The following CLYBL variants were observed in gnomAD, a reference collection of about 807,000 sequenced individuals.
CLYBL encodes citramalyl-CoA lyase, also known as citramalyl-CoA lyase, mitochondrial.
Under a neutral mutation model 38.9 loss-of-function variants are expected in CLYBL, and 31 were observed. That is an observed-to-expected ratio of 0.80 (90% CI 0.60 to 1.08). The LOEUF is 1.08. Among genes scored for constraint, CLYBL ranks in the 50% least tolerant of loss-of-function variants. The pLI, the probability that CLYBL is intolerant of heterozygous loss-of-function variation, is 0.00. For missense variants in CLYBL, 434 were observed against 411.6 expected (o/e 1.05, Z -0.47); for synonymous variants, 171 against 158.6 (o/e 1.08, Z -0.59).
chr13:99,724,962 G>A (rs958918609), intron 1 of CLYBL, among the ~76,000 whole-genome samples: 3 of 152,222 alleles, frequency 2.0e-5, no homozygotes, highest in Non-Finnish European at 4.4e-5. Flanking sequence ...GAGAGACTTT[G>A]ATTAATTCCT....
intron 2 of CLYBL, among the ~76,000 whole-genome samples, chr13:99,843,934 C>T (rs2051140879): frequency 6.6e-6 from 1 of 152,172 alleles, no homozygotes; most frequent in Non-Finnish European, 1.5e-5. Flanking sequence ...AGGGAATTGG[C>T]CTATCCATGC....
intron 1 of CLYBL, among the ~76,000 whole-genome samples, chr13:99,706,984 T>C (rs2048156564): frequency 1.3e-5 from 2 of 152,040 alleles, no homozygotes; most frequent in Non-Finnish European, 2.9e-5. Context: ...TTGTATTTTT[T>C]TGTAGAGACG....
intron 1 of CLYBL, among the ~76,000 whole-genome samples, chr13:99,684,925 C>T (rs1012943504): frequency 6.6e-6 from 1 of 152,182 alleles, no homozygotes; most frequent in Non-Finnish European, 1.5e-5. Flanking sequence ...CATTAGAGTA[C>T]ATTATATATG....
At chr13:99,612,000 C>G (rs1028191224) in intron 1 of CLYBL, among the ~76,000 whole-genome samples, 1 of 152,142 alleles carries the variant, frequency 6.6e-6, no homozygotes, top group Admixed American at 6.6e-5. Flanking sequence ...GTTTATAGGC[C>G]CATCACTACA....
At chr13:99,833,683 CTTTTTT>C (rs35378080) in intron 2 of CLYBL, among the ~76,000 whole-genome samples, 679 of 56,106 alleles carry the variant, frequency 0.012, 8 homozygotes, top group Non-Finnish European at 0.018. Context: ...TACCGTGTTG[CTTTTTT>C]TTTTTTTTTT....
At chr13:99,646,679 ATTT>A (rs1176000168) in intron 1 of CLYBL, among the ~76,000 whole-genome samples, 3 of 128,838 alleles carry the variant, frequency 2.3e-5, no homozygotes, top group African/African-American at 8.9e-5. Flanking sequence ...CACCTGGCTA[ATTT>A]TTTTTTTTTT....
At chr13:99,746,064 A>G (rs1322106012) in intron 1 of CLYBL, among the ~76,000 whole-genome samples, 2 of 151,478 alleles carry the variant, frequency 1.3e-5, no homozygotes, top group Non-Finnish European at 2.9e-5. Context: ...GGGAAGAACT[A>G]TTTTCTCAAA....
At chr13:99,685,229 G>A (rs1861679235) in intron 1 of CLYBL, among the ~76,000 whole-genome samples, 6 of 152,048 alleles carry the variant, frequency 3.9e-5, no homozygotes, top group South Asian at 2.1e-4. Flanking sequence ...CAAGCTTTCT[G>A]TACTTGTTTC....
chr13:99,657,828 C>G (rs138206410), intron 1 of CLYBL, among the ~76,000 whole-genome samples: 8 of 152,330 alleles, frequency 5.3e-5, no homozygotes, highest in African/African-American at 1.9e-4. Context: ...GTGAATTAAG[C>G]AGCTCTGCTG....
chr13:99,621,744 A>G (rs1566590882), intron 1 of CLYBL, among the ~76,000 whole-genome samples: 1 of 94,002 alleles, frequency 1.1e-5, no homozygotes, highest in Non-Finnish European at 2.2e-5. Flanking sequence ...AAAACATGAG[A>G]TTTTTTGGCG....
At chr13:99,634,893 G>A (rs1447757353) in intron 1 of CLYBL, among the ~76,000 whole-genome samples, 3 of 152,162 alleles carry the variant, frequency 2.0e-5, no homozygotes, top group African/African-American at 7.2e-5. Flanking sequence ...CTGGCCTTGG[G>A]CACCTTCTTT....
intron 2 of CLYBL, among the ~76,000 whole-genome samples, chr13:99,818,887 T>C (rs996825387): frequency 6.6e-6 from 1 of 152,216 alleles, no homozygotes; most frequent in East Asian, 1.9e-4. Flanking sequence ...AATGACTGCT[T>C]AATATTCCAT....
At chr13:99,660,667 A>C (rs1341644462) in intron 1 of CLYBL, among the ~76,000 whole-genome samples, 1 of 152,174 alleles carries the variant, frequency 6.6e-6, no homozygotes, top group Non-Finnish European at 1.5e-5. Flanking sequence ...ACATATTTAA[A>C]TATTCCCTAG....
intron 7 of CLYBL, among the ~76,000 whole-genome samples, chr13:99,872,173 C>T (rs1398611787): frequency 6.6e-6 from 1 of 152,264 alleles, no homozygotes; most frequent in East Asian, 1.9e-4. Flanking sequence ...CACATTCAAC[C>T]CATGCACACA....
intron 2 of CLYBL, among the ~76,000 whole-genome samples, chr13:99,786,294 T>C (rs934018888): frequency 1.3e-5 from 2 of 151,506 alleles, no homozygotes; most frequent in African/African-American, 4.9e-5. Flanking sequence ...GCCATGTTGG[T>C]GTGCTGCACC....
intron 2 of CLYBL, among the ~76,000 whole-genome samples, chr13:99,797,624 G>A (rs1167520534): frequency 7.5e-6 from 1 of 134,104 alleles, no homozygotes. Flanking sequence ...GCTCTTGGAG[G>A]ACCAGGCCTA....
At position 99,606,723 on chromosome 13, in the gene CLYBL, G is replaced by A; in HGVS notation, c.28G>A (p.Ala10Thr). Reference sequence around the variant, plus strand: ...GGCGCTACGTCTGCTGCGGAGGGCGGCGCGCGGAGCTGCGGCGGCGGCGCT... The same window carrying A: ...GGCGCTACGTCTGCTGCGGAGGGCGACGCGCGGAGCTGCGGCGGCGGCGCT... MALRLLRRA[A>T]RGAAAAALLR... The change falls in exon 1 of 9, where the codon GCG becomes ACG. Residue 10 changes from alanine to threonine, a missense_variant. Ala to Thr is a moderately conservative substitution (Grantham distance 58). Transcript: ENST00000339105. The A allele has an allele frequency of 6.7e-7, 1 of 1,491,488 alleles. No individual in the cohort carries two copies. The highest frequency in any genetic ancestry group is 8.9e-7 in the Non-Finnish European group (1 of 1,127,068). The allele number at this position is 1,491,488 out of a possible 1,614,324, so 92.4% of individuals were successfully genotyped here.
intron 2 of CLYBL, among the ~76,000 whole-genome samples, chr13:99,813,152 T>A (rs2050375518): frequency 6.6e-6 from 1 of 151,914 alleles, no homozygotes; most frequent in Non-Finnish European, 1.5e-5. Context: ...GAAAAAAAAA[T>A]GAAATGATAC....
chr13:99,847,511 G>A (rs938075949), intron 2 of CLYBL, among the ~76,000 whole-genome samples: 5 of 152,304 alleles, frequency 3.3e-5, no homozygotes, highest in African/African-American at 7.2e-5. Flanking sequence ...TGTACCAGTC[G>A]GTTGGGGAAG....
Sources: gnomAD v4.1 joint callset for allele counts (sites outside exome capture counted in the v4.1 genomes callset) on GRCh38, gnomAD v4.1.1 for gene constraint, MANE v1.5 for transcripts, NCBI Gene and HGNC (gene_info 2026-07-23, HGNC 2026-07-21) for gene names.